The following RIMS1 variants were observed in gnomAD, a reference collection of about 807,000 sequenced individuals.
RIMS1 encodes the protein regulating synaptic membrane exocytosis protein 1.
A neutral mutation model predicts 214.1 loss-of-function variants in RIMS1; 83 were observed. The observed-to-expected ratio is 0.39, with a 90% CI of 0.32 to 0.47. RIMS1 has a LOEUF of 0.47. Among genes scored for constraint, RIMS1 ranks in the 20% least tolerant of loss-of-function variants. The probability of loss-of-function intolerance (pLI) is 0.99; values close to 1 mark genes in which losing one functional copy is unlikely to be tolerated. For missense variants in RIMS1, 2,050 were observed against 2,161.8 expected, an observed-to-expected ratio of 0.95 and a Z score of 1.03; for synonymous variants, 793 against 786.8, an observed-to-expected ratio of 1.01 and a Z score of -0.13.
rs115499960 is a variant in RIMS1, at chr6:72,371,647, A to G, written c.4367-18951A>G. Among the ~76,000 whole-genome samples the G allele has an allele frequency of 4.3e-3, 661 of 152,292 alleles. 3 individuals are homozygous for G. The highest frequency in any genetic ancestry group is 0.015 in the African/African-American group (637 of 41,560). On this transcript the variant is annotated intron_variant, in intron 29 of 33. Coordinates refer to ENST00000521978, the MANE Select transcript of RIMS1 (RefSeq NM_014989.7). ...GAAGGCCAGAGTTAGGAAGACAGAA[A>G]TGTAGTTTGTTAGGTCACGTCCTGA...
chr6:71,990,288 G>A (rs950604442), intron 2 of RIMS1, among the ~76,000 whole-genome samples: 1 of 152,100 alleles, frequency 6.6e-6, no homozygotes, highest in East Asian at 1.9e-4. Flanking sequence ...GATACGTGCA[G>A]CTCATTTACA....
intron 1 of RIMS1, among the ~76,000 whole-genome samples, chr6:71,946,683 A>G (rs1161449371): frequency 6.6e-6 from 1 of 152,180 alleles, no homozygotes; most frequent in Non-Finnish European, 1.5e-5. Flanking sequence ...AAACTATTAC[A>G]AGAAAAACTT....
intron 2 of RIMS1, among the ~76,000 whole-genome samples, chr6:72,029,666 T>C (rs1817545777): frequency 6.6e-6 from 1 of 152,192 alleles, no homozygotes; most frequent in African/African-American, 2.4e-5. Context: ...GCTAGGACTT[T>C]CTGCAAGTTA....
At chr6:72,245,667 A>G (rs1425892276) in intron 10 of RIMS1, 148 bp from the exon 11 acceptor site, 7 of 567,644 alleles carry the variant, frequency 1.2e-5, no homozygotes, top group African/African-American at 9.4e-5. Context: ...ATTCATGCAC[A>G]TTAGTAGTTG....
At chr6:72,224,106 A>G (rs1037668667) in intron 6 of RIMS1, among the ~76,000 whole-genome samples, 3 of 152,184 alleles carry the variant, frequency 2.0e-5, no homozygotes, top group Non-Finnish European at 2.9e-5. Flanking sequence ...CATGATCCAT[A>G]TAGTAAACAA....
rs1257931231 is a variant in RIMS1, at chr6:72,284,132, T to G, written c.3554+14T>G. On this transcript the variant is annotated intron_variant, in intron 24 of 33. Transcript: ENST00000521978. The stretch of plus-strand genomic sequence containing the variant: ...TGATGCAGAAAGGTAGGCTTGGTGT[T>G]GTGGTGTGCTGACATCTTCCATTTT... The G allele has an allele frequency of 3.7e-6, 6 of 1,608,054 alleles. No homozygotes were observed. In the Admixed American group the frequency reaches 1.0e-4, roughly 27 times the overall value.
chr6:72,369,704 A>G (rs766223062), intron 29 of RIMS1, among the ~76,000 whole-genome samples: 7 of 152,200 alleles, frequency 4.6e-5, no homozygotes, highest in African/African-American at 7.2e-5. Flanking sequence ...TCACAGCAAC[A>G]CCCAAATTTG....
chr6:71,923,570 T>C (rs940656805), intron 1 of RIMS1, among the ~76,000 whole-genome samples: 1 of 151,916 alleles, frequency 6.6e-6, no homozygotes, highest in African/African-American at 2.4e-5. Flanking sequence ...TTTGTGACTT[T>C]TCTTTTTTTT....
chr6:72,122,560 C>A (rs528474566), intron 4 of RIMS1, among the ~76,000 whole-genome samples: 1 of 151,848 alleles, frequency 6.6e-6, no homozygotes, highest in African/African-American at 2.4e-5. Flanking sequence ...GGTACCAGCT[C>A]CTCTTTGTGC....
chr6:72,217,449 T>C (rs980467960), intron 6 of RIMS1, among the ~76,000 whole-genome samples: 4 of 152,238 alleles, frequency 2.6e-5, no homozygotes, highest in African/African-American at 9.6e-5. Context: ...TTTAAATGTT[T>C]ATCTGAAGTA....
At chr6:71,958,390 C>A (rs756965761) in intron 1 of RIMS1, among the ~76,000 whole-genome samples, 5 of 152,210 alleles carry the variant, frequency 3.3e-5, no homozygotes, top group African/African-American at 4.8e-5. Flanking sequence ...TAAACAAATT[C>A]TCTTATGCCT....
chr6:72,316,833 T>C (rs769748913), intron 28 of RIMS1: 102 of 955,334 alleles, frequency 1.1e-4, no homozygotes, highest in Non-Finnish European at 1.5e-4. Context: ...CATTACCACA[T>C]TGGGAGTGTA....
At chr6:72,319,747 C>T (rs1191996617) in intron 28 of RIMS1, among the ~76,000 whole-genome samples, 2 of 151,800 alleles carry the variant, frequency 1.3e-5, no homozygotes, top group Admixed American at 6.6e-5. Flanking sequence ...GTGCCGTACA[C>T]TATCTAGTAT....
In RIMS1 at chr6:72,022,811, G is replaced by T. The variant is rs139464841; in HGVS notation, c.245+53748G>T. The stretch of plus-strand genomic sequence containing the variant: ...GAACATATTAGGTGCAAATAAAGAG[G>T]AATGCCTCTAATGAATGAATCCTAA... On this transcript the variant is annotated intron_variant, in intron 2 of 33. Coordinates refer to ENST00000521978, the MANE Select transcript of RIMS1 (RefSeq NM_014989.7). 6.9e-3 allele frequency among the ~76,000 whole-genome samples: 1,043 copies of T among 152,236 alleles called. 10 individuals carry two copies. Among genetic ancestry groups the T allele is most frequent in the African/African-American group, 0.024 (984 of 41,544 alleles).
chr6:72,284,050 C>G lies in RIMS1; in HGVS notation c.3486C>G (p.His1162Gln). 6.2e-7 allele frequency: 1 copy of G among 1,612,134 alleles called. No homozygotes were observed. The highest frequency in any genetic ancestry group is 1.1e-5 in the South Asian group (1 of 91,054). The stretch of plus-strand genomic sequence containing the variant: ...TGTTTAACATTTCATTCCACAGGCA[C>G]TCCAGAAAGTCTGAAAGATCTAGCA... ...IQHASPENDR[H>Q]SRKSERSSIQ... Residue 1162 changes from histidine (H) to glutamine (Q), a missense_variant, in exon 24 of 34, where the codon CAC (histidine) becomes CAG (glutamine). His to Gln is a conservative substitution (Grantham distance 24, BLOSUM62 0). Around this residue, in one of 6 missense-constraint regions of RIMS1, gnomAD observed 889 missense variants for 885.5 expected, o/e 1.00. Transcript: ENST00000521978.
chr6:71,889,500 C>A (rs551961571), intron 1 of RIMS1, among the ~76,000 whole-genome samples: 126 of 152,294 alleles, frequency 8.3e-4, no homozygotes, highest in African/African-American at 3.0e-3. Flanking sequence ...TCTCTATAAT[C>A]CTGGACCTCT....
chr6:72,326,514 T>G (rs2096472044), intron 28 of RIMS1, among the ~76,000 whole-genome samples: 1 of 151,842 alleles, frequency 6.6e-6, no homozygotes, highest in Non-Finnish European at 1.5e-5. Context: ...TTGTTTAAAT[T>G]GGTTTCTTGT....
At chr6:72,051,168 C>G (rs144245157) in intron 2 of RIMS1, among the ~76,000 whole-genome samples, 3 of 152,046 alleles carry the variant, frequency 2.0e-5, no homozygotes, top group East Asian at 3.9e-4. Context: ...TGACAAAGGC[C>G]GGAGACTGCT....
rs577639658 is a variant in RIMS1 at position 72,102,742 on chromosome 6, A to G, written c.471+2756A>G. 3.3e-5 allele frequency among the ~76,000 whole-genome samples: 5 copies of G among 152,166 alleles called. No individual in the cohort carries two copies. In the South Asian group the frequency reaches 1.0e-3, roughly 32 times the overall value. On this transcript the variant is annotated intron_variant, in intron 4 of 33. Coordinates refer to ENST00000521978, the MANE Select transcript of RIMS1 (RefSeq NM_014989.7). ...AACAGCTTAAAAAAACATTACTCTC[A>G]AAGACTCAACTCTTAAATACCAAAG...
Sources: allele counts gnomAD v4.1 joint callset (sites outside exome capture counted in the v4.1 genomes callset), GRCh38; gene constraint gnomAD v4.1.1; regional missense constraint gnomAD v4.1.1; transcripts MANE v1.5; gene names NCBI Gene and HGNC (gene_info 2026-07-23, HGNC 2026-07-21).